Variants in NRG1 observed in about 807,000 individuals in gnomAD.
NRG1 encodes neuregulin 1.
Under a neutral mutation model 63.8 loss-of-function variants are expected in NRG1, and 18 were observed. That is an observed-to-expected ratio of 0.28 (90% CI 0.19 to 0.42). The LOEUF is 0.42. Ranked by LOEUF, NRG1 falls within the 10% of genes least tolerant of loss-of-function variation. The pLI, the probability that NRG1 is intolerant of heterozygous loss-of-function variation, is 1.00. For missense variants in NRG1, 762 were observed against 814.7 expected (o/e 0.94, Z 0.79); for synonymous variants, 302 against 301.3 (o/e 1.00, Z -0.02).
chr8:32,339,267 G>T (rs1803735085), intron 1 of NRG1, among the ~76,000 whole-genome samples: 1 of 151,964 alleles, frequency 6.6e-6, no homozygotes, highest in Admixed American at 6.6e-5. Flanking sequence ...GCAATTCAGT[G>T]GTATTCTAAT....
chr8:32,753,610 C>T (rs1372075100), intron 7 of NRG1, among the ~76,000 whole-genome samples: 3 of 152,150 alleles, frequency 2.0e-5, no homozygotes, highest in South Asian at 2.1e-4. Flanking sequence ...GAATTGTCTT[C>T]CAAAGGACAA....
At chr8:32,561,999 A>G (rs953510160) in intron 1 of NRG1, among the ~76,000 whole-genome samples, 3 of 152,134 alleles carry the variant, frequency 2.0e-5, no homozygotes, top group African/African-American at 7.2e-5. Context: ...TGGGCCTCAC[A>G]TGGGTGTCCT....
chr8:32,229,534 A>G (rs1414758532), intron 1 of NRG1, among the ~76,000 whole-genome samples: 1 of 152,136 alleles, frequency 6.6e-6, no homozygotes, highest in African/African-American at 2.4e-5. Context: ...TCTCTGGCAA[A>G]CAAGATAAGG....
chr8:32,771,715 A>AAAAAT (rs1343943621), downstream of NRG1, among the ~76,000 whole-genome samples: 394 of 111,826 alleles, frequency 3.5e-3, 3 homozygotes, highest in African/African-American at 0.012. Flanking sequence ...TTAAAAAAAA[A>AAAAAT]ATATATATAT....
chr8:31,832,249 GTTT>G (rs5890599), intron 1 of NRG1, among the ~76,000 whole-genome samples: 55 of 136,142 alleles, frequency 4.0e-4, no homozygotes, highest in African/African-American at 1.4e-3. Context: ...AAATGCTCTA[GTTT>G]TTTTTTTTTT....
At chr8:32,161,537 T>G (rs1838831885) in intron 1 of NRG1, among the ~76,000 whole-genome samples, 1 of 151,378 alleles carries the variant, frequency 6.6e-6, no homozygotes. Context: ...TTATCTGCAT[T>G]TAACATTTTG....
intron 1 of NRG1, among the ~76,000 whole-genome samples, chr8:31,749,834 A>G (rs928267884): frequency 6.6e-6 from 1 of 150,850 alleles, no homozygotes; most frequent in South Asian, 2.1e-4. Context: ...GCTTGTTTAT[A>G]CTCTTTTGCA....
chr8:31,885,115 C>T (rs902418786), intron 1 of NRG1, among the ~76,000 whole-genome samples: 1 of 152,048 alleles, frequency 6.6e-6, no homozygotes, highest in African/African-American at 2.4e-5. Flanking sequence ...CCAATAGATG[C>T]AGACTCATGA....
intron 1 of NRG1, among the ~76,000 whole-genome samples, chr8:32,239,159 T>A (rs1847857167): frequency 1.3e-5 from 2 of 152,242 alleles, no homozygotes; most frequent in South Asian, 4.1e-4. Context: ...TAATTTATTT[T>A]TTTTTAAAAA....
At chr8:32,371,513 C>T (rs1350965893) in intron 1 of NRG1, among the ~76,000 whole-genome samples, 1 of 152,138 alleles carries the variant, frequency 6.6e-6, no homozygotes. Flanking sequence ...TTTATAGCCA[C>T]GTTAAAAAAA....
At chr8:32,415,365 C>CAAAAAAAAAAAAAAAAAA (rs5890647) in intron 1 of NRG1, among the ~76,000 whole-genome samples, 1 of 115,344 alleles carries the variant, frequency 8.7e-6, no homozygotes. Context: ...GACTCTGTCT[C>CAAAAAAAAAAAAAAAAAA]AAAAAAAAAA....
At chr8:31,652,010 C>T (rs1030748177) in intron 1 of NRG1, among the ~76,000 whole-genome samples, 1 of 152,206 alleles carries the variant, frequency 6.6e-6, no homozygotes, top group African/African-American at 2.4e-5. Flanking sequence ...GCCAGTCCCT[C>T]TGCACATTTG....
chr8:32,526,319 C>T (rs1431875298), intron 1 of NRG1, among the ~76,000 whole-genome samples: 1 of 152,218 alleles, frequency 6.6e-6, no homozygotes, highest in Non-Finnish European at 1.5e-5. Flanking sequence ...ACCCTCATCC[C>T]TTGCCACATG....
chr8:32,719,880 T>A (rs1820189198), intron 5 of NRG1, among the ~76,000 whole-genome samples: 1 of 152,150 alleles, frequency 6.6e-6, no homozygotes, highest in Non-Finnish European at 1.5e-5. Flanking sequence ...ATGTGGATGT[T>A]TGATTAAATT....
At chr8:32,184,474 G>C (rs182130376) in intron 1 of NRG1, among the ~76,000 whole-genome samples, 1 of 152,192 alleles carries the variant, frequency 6.6e-6, no homozygotes, top group African/African-American at 2.4e-5. Context: ...AAATGGTATT[G>C]TGTTGATAGG....
At chr8:32,686,344 A>G (rs1479647470) in intron 5 of NRG1, among the ~76,000 whole-genome samples, 1 of 152,222 alleles carries the variant, frequency 6.6e-6, no homozygotes, top group East Asian at 1.9e-4. Context: ...GGAAATGGAA[A>G]TAAAGTTTCC....
chr8:31,884,501 A>T (rs2129613134), intron 1 of NRG1, among the ~76,000 whole-genome samples: 1 of 152,214 alleles, frequency 6.6e-6, no homozygotes, highest in East Asian at 1.9e-4. Context: ...TTCCTGTAAG[A>T]AACCTTGACA....
intron 1 of NRG1, among the ~76,000 whole-genome samples, chr8:31,989,755 A>G (rs756187645): frequency 1.3e-5 from 2 of 152,068 alleles, no homozygotes; most frequent in Non-Finnish European, 2.9e-5. Context: ...TCTTTGATAC[A>G]TTACCTTTGG....
chr8:32,112,215 GAATT>G (rs1177660639), intron 1 of NRG1, among the ~76,000 whole-genome samples: 1 of 152,156 alleles, frequency 6.6e-6, no homozygotes, highest in Non-Finnish European at 1.5e-5. Flanking sequence ...GGCTTCCTTT[GAATT>G]AATTAATATT....
Sources: allele counts gnomAD v4.1 joint callset (sites outside exome capture counted in the v4.1 genomes callset), GRCh38; gene constraint gnomAD v4.1.1; transcripts MANE v1.5; gene names NCBI Gene and HGNC (gene_info 2026-07-23, HGNC 2026-07-21).